ADAM18: variants seen among roughly 807,000 people sequenced by gnomAD.
ADAM18 encodes the protein ADAM metallopeptidase domain 18.
ADAM18 carries 117 observed loss-of-function variants against 94.4 expected under a neutral mutation model. The ratio of observed to expected loss-of-function variants is 1.24; its 90% CI spans 1.07 to 1.45. The LOEUF (loss-of-function observed/expected upper bound fraction) is 1.45. ADAM18 is among the 40% of genes most tolerant of loss of function. ADAM18 has a pLI of 0.00. For synonymous variants in ADAM18, 327 were observed against 291.6 expected (o/e 1.12, Z -1.24); for missense variants, 936 against 880.0 (o/e 1.06, Z -0.81).
intron 14 of ADAM18, among the ~76,000 whole-genome samples, chr8:39,670,174 C>T (rs553992509): frequency 0.019 from 2,933 of 151,982 alleles, 38 homozygotes; most frequent in Non-Finnish European, 0.029. Flanking sequence ...TTGTTTTTTT[C>T]TTGTAAATTT....
chr8:39,592,775 C>T (rs139570739), intron 2 of ADAM18, among the ~76,000 whole-genome samples: 238 of 152,266 alleles, frequency 1.6e-3, no homozygotes, highest in Non-Finnish European at 3.0e-3. Flanking sequence ...CCCCCAGCAT[C>T]ATGCATGTAA....
intron 17 of ADAM18, among the ~76,000 whole-genome samples, chr8:39,706,122 T>G (rs1279792510): frequency 6.6e-6 from 1 of 152,066 alleles, no homozygotes; most frequent in African/African-American, 2.4e-5. Flanking sequence ...AAAATGAAAA[T>G]ACTAAACTGT....
chr8:39,606,456 A>G (rs1819089259), intron 3 of ADAM18, 94 bp downstream of exon 3: 2 of 698,950 alleles, frequency 2.9e-6, no homozygotes, highest in Admixed American at 6.8e-5. Flanking sequence ...TAAATTCAGG[A>G]ATGCTGTATA....
intron 6 of ADAM18, among the ~76,000 whole-genome samples, chr8:39,628,431 A>AGATG (rs1316108158): frequency 1.3e-5 from 2 of 149,592 alleles, no homozygotes; most frequent in Non-Finnish European, 2.9e-5. Context: ...ATAGATAGAT[A>AGATG]GATAGATAGA....
intron 2 of ADAM18, among the ~76,000 whole-genome samples, chr8:39,593,663 ATCT>A (rs1818645714): frequency 2.0e-5 from 3 of 152,156 alleles, no homozygotes; most frequent in Admixed American, 6.6e-5. Context: ...TCGAAAGACT[ATCT>A]TCTGTCAGGT....
intron 12 of ADAM18, among the ~76,000 whole-genome samples, chr8:39,650,350 T>G (rs6474162): frequency 0.67 from 101,345 of 152,024 alleles, 35,137 homozygotes; most frequent in Middle Eastern, 0.78. Flanking sequence ...ATTCAGAAAA[T>G]AAGTTAAATT....
At chr8:39,690,061 A>G (rs1367539009) in intron 16 of ADAM18, among the ~76,000 whole-genome samples, 3 of 152,114 alleles carry the variant, frequency 2.0e-5, no homozygotes, top group Admixed American at 6.5e-5. Context: ...TTGATTTTGT[A>G]TTCGGAGACT....
At chr8:39,618,248 G>A (rs1238989686) in intron 6 of ADAM18, among the ~76,000 whole-genome samples, 1 of 152,142 alleles carries the variant, frequency 6.6e-6, no homozygotes, top group Non-Finnish European at 1.5e-5. Context: ...TGAAAACTGG[G>A]TCCAGGGGGG....
intron 13 of ADAM18, 73 bp downstream of exon 13, chr8:39,663,963 C>A (rs1459306124): frequency 1.4e-5 from 13 of 952,050 alleles, no homozygotes; most frequent in African/African-American, 6.8e-5. Context: ...AATCAATGTG[C>A]AATTAATAAA....
chr8:39,608,928 A>T (rs2129578430), intron 3 of ADAM18, 114 bp from the exon 4 acceptor site: 1 of 660,182 alleles, frequency 1.5e-6, no homozygotes, highest in Admixed American at 3.3e-5. Context: ...CAATTAAATC[A>T]TGCCATTATA....
chr8:39,716,042 T>C (rs138232981), intron 18 of ADAM18, among the ~76,000 whole-genome samples: 5 of 152,086 alleles, frequency 3.3e-5, no homozygotes, highest in African/African-American at 1.2e-4. Flanking sequence ...TTGTTCAGAT[T>C]TTATGTCTCT....
rs772536726 is a variant in ADAM18 at position 39,729,918 on chromosome 8, A to G, written c.2198A>G (p.Glu733Gly). ...EYNRNSSVVS[E>G]SDDVGH ...TATAGTAATTCATCCGTTGTATCAGAAAGCGATGACGTGGGACATTAATAT... is the reference window on the plus strand; with the variant it reads ...TATAGTAATTCATCCGTTGTATCAGGAAGCGATGACGTGGGACATTAATAT... The change falls in exon 20 of 20, where the codon GAA becomes GGA. Residue 733 changes from glutamate (E) to glycine (G), a missense_variant. By Grantham distance (98) the Glu-to-Gly change is moderately conservative. Coordinates refer to ENST00000265707, the MANE Select transcript of ADAM18 (RefSeq NM_014237.3). 1 of 1,613,640 alleles carries G rather than the reference A, an allele frequency of 6.2e-7. No homozygotes were observed. The highest frequency in any genetic ancestry group is 8.5e-7 in the Non-Finnish European group (1 of 1,179,548).
chr8:39,590,273 A>G (rs995458786), intron 2 of ADAM18, among the ~76,000 whole-genome samples: 1 of 152,136 alleles, frequency 6.6e-6, no homozygotes, highest in African/African-American at 2.4e-5. Context: ...TGATGAGTTC[A>G]TGTCCTTTGT....
intron 12 of ADAM18, 66 bp from the exon 13 acceptor site, chr8:39,663,729 G>T: frequency 2.1e-6 from 2 of 935,110 alleles, no homozygotes; most frequent in South Asian, 1.4e-5. Context: ...AATTGAAATT[G>T]AGATTAAGAA....
chr8:39,638,316 T>C (rs942643687), intron 9 of ADAM18, 149 bp from the exon 10 acceptor site: 11 of 445,994 alleles, frequency 2.5e-5, no homozygotes, highest in African/African-American at 1.5e-4. Flanking sequence ...ATTTAGTATT[T>C]TGTAATGTTT....
At chr8:39,612,232 C>T (rs1452698158) in intron 6 of ADAM18, among the ~76,000 whole-genome samples, 2 of 151,974 alleles carry the variant, frequency 1.3e-5, no homozygotes, top group Non-Finnish European at 2.9e-5. Flanking sequence ...TCAACACATT[C>T]TGAGCAAATC....
chr8:39,682,899 G>T (rs919041039), intron 16 of ADAM18, among the ~76,000 whole-genome samples: 1 of 152,188 alleles, frequency 6.6e-6, no homozygotes, highest in African/African-American at 2.4e-5. Flanking sequence ...ATGTGTAAAA[G>T]ATATGTAACA....
chr8:39,639,415 C>G (rs1336567204), intron 10 of ADAM18, among the ~76,000 whole-genome samples: 2 of 151,926 alleles, frequency 1.3e-5, no homozygotes, highest in Admixed American at 1.3e-4. Flanking sequence ...CATTTATGTT[C>G]TTATGAGTAG....
rs577848150 is a variant in ADAM18, at chr8:39,699,454, G to A, written c.1902+6774G>A. ...ATTAGTGAATTTCCTAAAGCTGAAT[G>A]ATATTTTAATTTTTAGGATAAACCC... On this transcript the variant is annotated intron_variant, in intron 17 of 19. Coordinates refer to ENST00000265707, the MANE Select transcript of ADAM18 (RefSeq NM_014237.3). 2.0e-5 allele frequency among the ~76,000 whole-genome samples: 3 copies of A among 152,020 alleles called. No homozygotes were observed. The South Asian group carries it at 6.2e-4, about 32-fold the overall frequency.
Sources: gnomAD v4.1 joint callset for allele counts (sites outside exome capture counted in the v4.1 genomes callset) on GRCh38, gnomAD v4.1.1 for gene constraint, MANE v1.5 for transcripts, NCBI Gene and HGNC (gene_info 2026-07-23, HGNC 2026-07-21) for gene names.